The following ZNF503 variants were observed in gnomAD, a reference collection of about 807,000 sequenced individuals.
The protein encoded by ZNF503 is zinc finger protein 503.
ZNF503 carries 15 observed loss-of-function variants against 34.4 expected under a neutral mutation model. The observed-to-expected ratio is 0.44, with a 90% CI of 0.29 to 0.67. The LOEUF is 0.67. Among genes scored for constraint, ZNF503 ranks in the 30% least tolerant of loss-of-function variants. The probability of loss-of-function intolerance (pLI) is 0.13; values close to 1 mark genes in which losing one functional copy is unlikely to be tolerated. For synonymous variants in ZNF503, 580 were observed against 456.8 expected (o/e 1.27, Z -3.44); for missense variants, 1,007 against 926.8 (o/e 1.09, Z -1.12).
At chr10:75,385,654 G>T in the ZNF503 span, among the ~76,000 whole-genome samples, 2 of 152,176 alleles carry the variant, frequency 1.3e-5, no homozygotes, top group African/African-American at 2.4e-5. Context: ...TGTTTCACTG[G>T]TTACAATTTA....
chr10:75,358,312 G>A, the ZNF503 span: 7 of 152,104 alleles, frequency 4.6e-5, no homozygotes, highest in African/African-American at 1.2e-4. Context: ...CTCACTCACC[G>A]AGCCACCGGA....
Position 75,398,830 on chromosome 10 carries a change from G to T in ZNF503, c.1860C>A (p.Pro620=). 6.7e-7 allele frequency: 1 copy of T among 1,499,578 alleles called. No homozygotes were observed. Among genetic ancestry groups the T allele is most frequent in the East Asian group, 2.3e-5 (1 of 42,950 alleles). The allele number at this position is 1,499,578 out of a possible 1,614,324, so 92.9% of individuals were successfully genotyped here. A position where few individuals can be genotyped will look rare whatever the true frequency, so the allele number is the denominator to read the frequency against. The change falls in exon 2 of 2, where the codon CCC becomes CCA. Residue 620 remains proline, a synonymous_variant. Coordinates refer to ENST00000372524, the MANE Select transcript of ZNF503 (RefSeq NM_032772.6). The stretch of plus-strand genomic sequence containing the variant: ...GGGAGTAGTACGGTCCGGTGGCGGC[G>T]GGCACCGGCACGGGGGCGCCAGGCG... ...LPTPGAPVPV[P]AATGPYYSPY...
the ZNF503 span, among the ~76,000 whole-genome samples, chr10:75,379,182 A>T: frequency 3.3e-5 from 5 of 152,312 alleles, no homozygotes; most frequent in East Asian, 9.6e-4. Flanking sequence ...TCAATAAAAA[A>T]ATTATTTGTA....
chr10:75,309,613 C>G, the ZNF503 span, among the ~76,000 whole-genome samples: 1 of 152,164 alleles, frequency 6.6e-6, no homozygotes, highest in Non-Finnish European at 1.5e-5. Flanking sequence ...AGACATAATG[C>G]TATTGCACAC....
At chr10:75,310,456 C>A in the ZNF503 span, among the ~76,000 whole-genome samples, 2 of 152,168 alleles carry the variant, frequency 1.3e-5, no homozygotes, top group East Asian at 3.8e-4. Context: ...AAAGGGTAGC[C>A]TAGCAAGATA....
At chr10:75,360,644 C>T in the ZNF503 span, 2 of 152,260 alleles carry the variant, frequency 1.3e-5, no homozygotes, top group African/African-American at 4.8e-5. Context: ...ATTCTCTAGA[C>T]TTTGGAAGGT....
At chr10:75,354,521 C>T in the ZNF503 span, among the ~76,000 whole-genome samples, 25 of 151,462 alleles carry the variant, frequency 1.7e-4, no homozygotes, top group Middle Eastern at 3.4e-3. Context: ...AAGACCAGCC[C>T]GCACAGTATA....
At chr10:75,286,082 A>C in the ZNF503 span, among the ~76,000 whole-genome samples, 2 of 152,166 alleles carry the variant, frequency 1.3e-5, no homozygotes, top group Admixed American at 6.5e-5. Context: ...CAGGAGTTCA[A>C]GACCAGCCCG....
chr10:75,353,768 T>C, the ZNF503 span, among the ~76,000 whole-genome samples: 2 of 152,178 alleles, frequency 1.3e-5, no homozygotes, highest in South Asian at 2.1e-4. Context: ...GGGAGATCAC[T>C]CTGGGATAAA....
the ZNF503 span, among the ~76,000 whole-genome samples, chr10:75,316,419 C>T: frequency 1.3e-5 from 2 of 151,598 alleles, no homozygotes; most frequent in East Asian, 1.9e-4. Context: ...TGCAGTGGCA[C>T]GATCATAGTT....
the ZNF503 span, chr10:75,295,763 A>C: frequency 6.6e-6 from 1 of 152,186 alleles, no homozygotes; most frequent in Admixed American, 6.5e-5. The surrounding 1 kb of genome is among the most constrained non-coding windows in gnomAD (Gnocchi z 4.0). Context: ...AGCATAACAC[A>C]TGTTGTACCG....
At chr10:75,373,860 C>G in the ZNF503 span, among the ~76,000 whole-genome samples, 1 of 152,210 alleles carries the variant, frequency 6.6e-6, no homozygotes, top group Non-Finnish European at 1.5e-5. Context: ...ATCTCCAGCT[C>G]CTTACCTCCC....
the ZNF503 span, among the ~76,000 whole-genome samples, chr10:75,311,028 G>A: frequency 6.6e-6 from 1 of 152,120 alleles, no homozygotes; most frequent in East Asian, 1.9e-4. Context: ...GAACTAATAG[G>A]ATAGATGTAT....
At chr10:75,394,159 T>C (rs1843672503), downstream of ZNF503, among the ~76,000 whole-genome samples, 1 of 152,242 alleles carries the variant, frequency 6.6e-6, no homozygotes, top group African/African-American at 2.4e-5. Context: ...GTGAAGATTC[T>C]TTTAAGTTCA....
chr10:75,303,991 A>G, the ZNF503 span, among the ~76,000 whole-genome samples: 1 of 151,812 alleles, frequency 6.6e-6, no homozygotes, highest in African/African-American at 2.4e-5. Flanking sequence ...ATGCCACCAC[A>G]CCTGGCTAAT....
chr10:75,389,108 G>A, the ZNF503 span, among the ~76,000 whole-genome samples: 1 of 152,218 alleles, frequency 6.6e-6, no homozygotes, highest in Non-Finnish European at 1.5e-5. Flanking sequence ...CCCCAGAAGG[G>A]TTTTGGAGGA....
At chr10:75,333,361 G>T in the ZNF503 span, among the ~76,000 whole-genome samples, 2 of 40,140 alleles carry the variant, frequency 5.0e-5, no homozygotes, top group African/African-American at 1.2e-4. Context: ...GGGCGGCCGG[G>T]CAGAGGCGCC....
chr10:75,398,395 A>G lies in ZNF503; in HGVS notation c.*354T>C. The stretch of plus-strand genomic sequence containing the variant: ...GCTCAAACTAAATAATGCACTTTTG[A>G]ACCACCGGTCCGCTTGGAGCTAACA... On this transcript the variant is annotated 3_prime_UTR_variant, in exon 2 of 2. Transcript: ENST00000372524. The G allele has an allele frequency of 5.3e-6, 1 of 190,376 alleles. No individual in the cohort carries two copies. 11.8% of individuals were successfully genotyped at this position (190,376 alleles called of 1,614,324 possible).
At chr10:75,289,036 T>G in the ZNF503 span, among the ~76,000 whole-genome samples, 3 of 152,140 alleles carry the variant, frequency 2.0e-5, no homozygotes, top group African/African-American at 7.2e-5. Flanking sequence ...GTAGACAGAC[T>G]GCCTCAGGGC....
Sources: allele counts gnomAD v4.1 joint callset (sites outside exome capture counted in the v4.1 genomes callset), GRCh38; gene constraint gnomAD v4.1.1; non-coding constraint Gnocchi (gnomAD v3.1); transcripts MANE v1.5; gene names NCBI Gene and HGNC (gene_info 2026-07-23, HGNC 2026-07-21).